PTPN3: variants seen among roughly 807,000 people sequenced by gnomAD.
PTPN3 encodes protein tyrosine phosphatase non-receptor type 3.
A neutral mutation model predicts 132.7 loss-of-function variants in PTPN3; 96 were observed. That is an observed-to-expected ratio of 0.72 (90% confidence interval 0.61 to 0.86). The LOEUF (loss-of-function observed/expected upper bound fraction) is 0.86. PTPN3 is among the 40% of genes least tolerant of loss of function. The pLI is 0.00. For synonymous variants in PTPN3, 398 were observed against 429.0 expected (o/e 0.93, Z 0.89); for missense variants, 1,125 against 1,159.6 (o/e 0.97, Z 0.43).
chr9:109,508,027 C>T, the PTPN3 span, among the ~76,000 whole-genome samples: 39 of 152,230 alleles, frequency 2.6e-4, no homozygotes, highest in African/African-American at 9.2e-4. Flanking sequence ...CCTCCCGAAA[C>T]AACACATTCG....
intron 1 of PTPN3, among the ~76,000 whole-genome samples, chr9:109,481,492 G>A (rs377458286): frequency 4.6e-5 from 7 of 152,126 alleles, no homozygotes; most frequent in African/African-American, 1.2e-4. Flanking sequence ...GTGTTTGCAC[G>A]TGCTGTTCCC....
At chr9:109,419,876 G>A (rs1284737298) in intron 14 of PTPN3, among the ~76,000 whole-genome samples, 1 of 152,148 alleles carries the variant, frequency 6.6e-6, no homozygotes, top group South Asian at 2.1e-4. Context: ...CGGGGTGGGG[G>A]AGGTAGGACA....
chr9:109,513,197 T>C, the PTPN3 span, among the ~76,000 whole-genome samples: 2 of 152,122 alleles, frequency 1.3e-5, no homozygotes, highest in South Asian at 4.2e-4. Flanking sequence ...TTCTTTTTTT[T>C]TTAGTAGAGA....
chr9:109,532,928 G>A, the PTPN3 span: 1 of 879,534 alleles, frequency 1.1e-6, no homozygotes, highest in Non-Finnish European at 1.5e-6. Context: ...TTGTGGTTTA[G>A]GGTTTTCTTT....
the PTPN3 span, among the ~76,000 whole-genome samples, chr9:109,521,878 GA>G: frequency 4.6e-5 from 7 of 152,284 alleles, no homozygotes; most frequent in East Asian, 1.2e-3. Flanking sequence ...AGATGGAAAT[GA>G]AAATCATAGA....
chr9:109,477,807 C>T (rs942376035), intron 1 of PTPN3, among the ~76,000 whole-genome samples: 3 of 152,224 alleles, frequency 2.0e-5, no homozygotes, highest in African/African-American at 7.2e-5. Context: ...TCTCTCCTCC[C>T]ACTGCACCTG....
intron 19 of PTPN3, among the ~76,000 whole-genome samples, chr9:109,398,821 T>A (rs1210082737): frequency 6.6e-6 from 1 of 152,178 alleles, no homozygotes; most frequent in Non-Finnish European, 1.5e-5. Flanking sequence ...CAAATGCAGA[T>A]CCTGTCCTTT....
chr9:109,433,916 TAAAAA>T (rs1170933792), intron 9 of PTPN3, among the ~76,000 whole-genome samples: 1,198 of 98,302 alleles, frequency 0.012, 84 homozygotes, highest in African/African-American at 0.034. Flanking sequence ...AGACTCTGTT[TAAAAA>T]AAAAAAAAAA....
In PTPN3 at chr9:109,408,474, G is replaced by A. The variant is rs1030449337; in HGVS notation, c.1579-97C>T. On this transcript the variant is annotated intron_variant, in intron 16 of 25. Coordinates refer to ENST00000374541, the MANE Select transcript of PTPN3 (RefSeq NM_002829.4). ...TAGCTCACAGCATCAACAACATGGA[G>A]GTACCAATAAATGTGAGTCTTTGGT... is the stretch of plus-strand genomic sequence containing the variant. The A allele has an allele frequency of 2.9e-5, 25 of 853,212 alleles. No homozygotes were observed. The African/African-American group carries it at 3.9e-4, about 13-fold the overall frequency. The allele number at this position is 853,212 out of a possible 1,614,324, so 52.9% of individuals were successfully genotyped here.
intron 14 of PTPN3, chr9:109,417,819 C>G: frequency 1.0e-6 from 1 of 971,564 alleles, no homozygotes; most frequent in South Asian, 4.8e-5. Context: ...CTTTGAACCA[C>G]TGTTATTTGC....
At chr9:109,534,915 T>C in the PTPN3 span, among the ~76,000 whole-genome samples, 1 of 152,262 alleles carries the variant, frequency 6.6e-6, no homozygotes, top group East Asian at 1.9e-4. Flanking sequence ...TAATCGTGGG[T>C]CATAGCTCTT....
intron 12 of PTPN3, among the ~76,000 whole-genome samples, chr9:109,423,169 C>T (rs1045486581): frequency 1.3e-5 from 2 of 152,222 alleles, no homozygotes; most frequent in East Asian, 1.9e-4. Context: ...CCAGTGATTT[C>T]AAGGAATTCT....
Position 109,383,540 on chromosome 9 carries a change from G to T in PTPN3, c.2265C>A (p.His755Gln), listed in dbSNP as rs771408438. 6.2e-7 allele frequency: 1 copy of T among 1,614,066 alleles called. No individual in the cohort carries two copies. The highest frequency in any genetic ancestry group is 1.7e-5 in the Admixed American group (1 of 60,020). The change falls in exon 23 of 26, where the codon CAC (histidine) becomes CAA (glutamine). Residue 755 changes from histidine (H) to glutamine (Q), a missense_variant. By Grantham distance (24) the His-to-Gln change is conservative. Coordinates refer to ENST00000374541, the MANE Select transcript of PTPN3 (RefSeq NM_002829.4). ...TLTERGRTKC[H>Q]QYWPDPPDVM... ...CGTCGGGGGGATCTGGCCAGTACTG[G>T]TGACATTTGGTCTGTAAGAAACCAC...
intron 21 of PTPN3, among the ~76,000 whole-genome samples, chr9:109,390,222 C>G (rs527585884): frequency 6.6e-6 from 1 of 152,300 alleles, no homozygotes; most frequent in East Asian, 1.9e-4. Context: ...TGCTTTGGAA[C>G]AGGTGGAATC....
At chr9:109,420,202 G>A (rs1421602472) in intron 14 of PTPN3, among the ~76,000 whole-genome samples, 6 of 152,154 alleles carry the variant, frequency 3.9e-5, no homozygotes, top group African/African-American at 1.2e-4. Flanking sequence ...AGTCTTTGTC[G>A]TGGACAAAAA....
intron 9 of PTPN3, among the ~76,000 whole-genome samples, chr9:109,433,392 T>C (rs1843798826): frequency 6.6e-6 from 1 of 152,222 alleles, no homozygotes; most frequent in Non-Finnish European, 1.5e-5. Context: ...TGGGTGCCAC[T>C]GGTCTAGAAA....
At chr9:109,489,069 C>T (rs1039642141) in intron 1 of PTPN3, among the ~76,000 whole-genome samples, 1 of 152,226 alleles carries the variant, frequency 6.6e-6, no homozygotes. Context: ...GTGACTCCCG[C>T]CTCCTGCCCT....
chr9:109,493,487 A>G (rs1207439040), intron 1 of PTPN3, among the ~76,000 whole-genome samples: 1 of 152,250 alleles, frequency 6.6e-6, no homozygotes, highest in Non-Finnish European at 1.5e-5. Flanking sequence ...AAGCTTGTGT[A>G]TCCTAACAGT....
Position 109,382,301 on chromosome 9 carries a change from CCTGCAG to C in PTPN3, c.2523_2528del (p.Cys842_Ser843del). ...ACCTAACAAAACAGCAAGCGCCATA[CCTGCAG>C]TGAACTAGGACGGGCTCGCTGTCCA... On this transcript the variant is annotated inframe_deletion and splice_region_variant, in exon 24 of 26. Transcript: ENST00000374541. 6.2e-7 allele frequency: 1 copy of C among 1,613,754 alleles called. No homozygotes were observed. The highest frequency in any genetic ancestry group is 1.7e-5 in the Admixed American group (1 of 60,000).
Sources: gnomAD v4.1 joint callset for allele counts (sites outside exome capture counted in the v4.1 genomes callset) on GRCh38, gnomAD v4.1.1 for gene constraint, MANE v1.5 for transcripts, NCBI Gene and HGNC (gene_info 2026-07-23, HGNC 2026-07-21) for gene names.